The following MPP4 variants were observed in gnomAD, a reference collection of about 807,000 sequenced individuals.
MPP4 encodes the protein MAGUK p55 subfamily member 4.
A neutral mutation model predicts 98.3 loss-of-function variants in MPP4; 91 were observed. That is an observed-to-expected ratio of 0.93 (90% CI 0.78 to 1.10). MPP4 has a LOEUF of 1.10. Ranked by LOEUF, MPP4 falls within the 50% of genes least tolerant of loss-of-function variation. The pLI is 0.00. For synonymous variants in MPP4, 261 were observed against 271.8 expected (o/e 0.96, Z 0.39); for missense variants, 744 against 792.9 (o/e 0.94, Z 0.74).
chr2:201,690,646 C>T (rs915087808), intron 3 of MPP4, among the ~76,000 whole-genome samples: 1 of 152,092 alleles, frequency 6.6e-6, no homozygotes, highest in Non-Finnish European at 1.5e-5. Context: ...AAAGGAGGGG[C>T]CCTTTAGGAC....
intron 12 of MPP4, among the ~76,000 whole-genome samples, chr2:201,668,940 C>T (rs1020881502): frequency 2.0e-5 from 3 of 152,118 alleles, no homozygotes; most frequent in Admixed American, 6.5e-5. Flanking sequence ...TGGGGGGACA[C>T]AGATTGGAGC....
In MPP4 at chr2:201,645,244, G is replaced by GC; in HGVS notation, c.1879dup (p.Ala627GlyfsTer9). The GC allele has an allele frequency of 6.2e-7, 1 of 1,613,692 alleles. No homozygotes were observed. Reference sequence around the variant, plus strand: ...CTCAGTATCTGAGGAAATCCATGTTGCTGGTACCCACTGAGGCTCCTCCTG... The same window carrying GC: ...CTCAGTATCTGAGGAAATCCATGTTGCCTGGTACCCACTGAGGCTCCTCCTG... On this transcript the variant is annotated frameshift_variant, in exon 22 of 22. Transcript: ENST00000409474. LOFTEE classifies it high-confidence loss of function.
At chr2:201,658,411 G>C (rs1687920233) in intron 16 of MPP4, 66 bp downstream of exon 16, 1 of 1,356,010 alleles carries the variant, frequency 7.4e-7, no homozygotes, top group South Asian at 1.2e-5. Flanking sequence ...TTTCAAAACA[G>C]TGTCAGGTTT....
intron 20 of MPP4, 72 bp downstream of exon 20, chr2:201,649,504 A>C (rs1687657787): frequency 9.1e-7 from 1 of 1,093,606 alleles, no homozygotes; most frequent in African/African-American, 1.6e-5. Flanking sequence ...ACTATAACCT[A>C]CAGCATGTGC....
At chr2:201,673,355 T>C (rs1233046013) in intron 11 of MPP4, among the ~76,000 whole-genome samples, 2 of 152,036 alleles carry the variant, frequency 1.3e-5, no homozygotes, top group African/African-American at 4.8e-5. Context: ...CACTCATAAA[T>C]GGGAGTTGAA....
At chr2:201,666,634 G>C (rs1243758972) in intron 12 of MPP4, 2 of 247,872 alleles carry the variant, frequency 8.1e-6, no homozygotes, top group African/African-American at 4.5e-5. Context: ...TGAGGCAGGA[G>C]AATCGTTTGA....
intron 14 of MPP4, among the ~76,000 whole-genome samples, chr2:201,660,702 C>G (rs553894204): frequency 2.6e-5 from 4 of 152,082 alleles, no homozygotes; most frequent in Admixed American, 2.6e-4. Context: ...CCTCTCTCCC[C>G]GAGGCAGTAT....
chr2:201,684,728 A>G (rs1184398066), intron 7 of MPP4, among the ~76,000 whole-genome samples: 1 of 152,118 alleles, frequency 6.6e-6, no homozygotes, highest in Non-Finnish European at 1.5e-5. Flanking sequence ...AGGTGGGCGG[A>G]TCACGAGGTC....
chr2:201,657,595 TTTTTTG>T (rs1168119873), intron 16 of MPP4, among the ~76,000 whole-genome samples: 1 of 117,930 alleles, frequency 8.5e-6, no homozygotes, highest in African/African-American at 3.7e-5. Flanking sequence ...CCCTTGTTTT[TTTTTTG>T]TTTTTTTGTT....
intron 5 of MPP4, 22 bp from the exon 6 acceptor site, chr2:201,686,072 G>GT: frequency 6.2e-7 from 1 of 1,607,574 alleles, no homozygotes; most frequent in Non-Finnish European, 8.5e-7. Context: ...GAAGGAAAAG[G>GT]TGAGCAAATG....
At chr2:201,666,189 A>G in intron 13 of MPP4, 145 bp downstream of exon 13, 1 of 569,752 alleles carries the variant, frequency 1.8e-6, no homozygotes, top group South Asian at 2.7e-5. Flanking sequence ...CCAGAACTAC[A>G]GAAGATAGAT....
intron 10 of MPP4, among the ~76,000 whole-genome samples, chr2:201,676,607 A>G (rs572225935): frequency 6.6e-6 from 1 of 152,344 alleles, no homozygotes; most frequent in South Asian, 2.1e-4. Context: ...TCTTAACAGT[A>G]TAAAAAAGTA....
At chr2:201,647,912 G>A in intron 20 of MPP4, 87 bp from the exon 21 acceptor site, 1 of 1,321,004 alleles carries the variant, frequency 7.6e-7, no homozygotes, top group Admixed American at 2.0e-5. Context: ...CTGGAGTGCT[G>A]TGGTGCAATC....
At chr2:201,666,292 C>G (rs995504143) in intron 13 of MPP4, 42 bp downstream of exon 13, 2 of 1,505,118 alleles carry the variant, frequency 1.3e-6, no homozygotes, top group South Asian at 2.5e-5. Flanking sequence ...TGACATGCTT[C>G]ATATTTCTTC....
Position 201,693,965 on chromosome 2 carries a change from G to A in MPP4, c.-11C>T, listed in dbSNP as rs370956157. ...GTCTGACTGTATCATCCTCCCTGCC[G>A]GAGCTTCTGAAAGGAATTCAGGACT... On this transcript the variant is annotated 5_prime_UTR_variant, in exon 2 of 22. Coordinates refer to ENST00000409474, the MANE Select transcript of MPP4 (RefSeq NM_033066.3). 6.4e-5 allele frequency: 103 copies of A among 1,613,740 alleles called. No homozygotes were observed. The highest frequency in any genetic ancestry group is 8.0e-5 in the Non-Finnish European group (94 of 1,179,826).
At chr2:201,648,919 C>A (rs1254820061) in intron 20 of MPP4, among the ~76,000 whole-genome samples, 1 of 152,082 alleles carries the variant, frequency 6.6e-6, no homozygotes, top group Non-Finnish European at 1.5e-5. Flanking sequence ...CAAAAATTAA[C>A]CAGGCATGGT....
chr2:201,657,953 T>TG (rs1446780522), intron 16 of MPP4, among the ~76,000 whole-genome samples: 17 of 150,966 alleles, frequency 1.1e-4, no homozygotes, highest in African/African-American at 4.2e-4. Flanking sequence ...GGTGGCCCCT[T>TG]GTTTTTTTTT....
chr2:201,651,241 G>A (rs1445202392), intron 18 of MPP4: 4 of 985,328 alleles, frequency 4.1e-6, no homozygotes, highest in South Asian at 4.7e-5. Context: ...TATCAAAGGA[G>A]TTACCAACCT....
intron 16 of MPP4, 96 bp from the exon 17 acceptor site, chr2:201,656,464 G>T: frequency 8.2e-7 from 1 of 1,224,238 alleles, no homozygotes; most frequent in South Asian, 1.6e-5. Flanking sequence ...TGATCCTAAA[G>T]TGTTCATTAA....
Sources: allele counts gnomAD v4.1 joint callset (sites outside exome capture counted in the v4.1 genomes callset), GRCh38; gene constraint gnomAD v4.1.1; transcripts MANE v1.5; gene names NCBI Gene and HGNC (gene_info 2026-07-23, HGNC 2026-07-21).